Variants in AHCY observed in about 807,000 individuals in gnomAD.
AHCY encodes adenosylhomocysteinase, also known as S-adenosyl-L-homocysteine hydrolase.
AHCY carries 24 observed loss-of-function variants against 45.4 expected under a neutral mutation model. The ratio of observed to expected loss-of-function variants is 0.53; its 90% CI spans 0.38 to 0.74. The LOEUF (loss-of-function observed/expected upper bound fraction) is 0.74, where lower values mean the gene tolerates loss of function less well. AHCY is among the 30% of genes least tolerant of loss of function. AHCY has a pLI of 0.00. For missense variants in AHCY, 449 were observed against 594.1 expected (o/e 0.76, Z 2.54); for synonymous variants, 245 against 235.1 (o/e 1.04, Z -0.39).
the AHCY span, chr20:34,260,535 G>A: frequency 6.2e-6 from 10 of 1,608,560 alleles, no homozygotes; most frequent in South Asian, 1.1e-4. Context: ...TCTATTGTGG[G>A]TAAGTCACCT....
chr20:34,290,574 G>C lies in AHCY; in HGVS notation c.831C>G (p.Gly277=), dbSNP rs764906515. The change falls in exon 7 of 10, where the codon GGC becomes GGG. Residue 277 remains glycine, a synonymous_variant. Coordinates refer to ENST00000217426, the MANE Select transcript of AHCY (RefSeq NM_000687.4). The surrounding 1 kb of genome is among the most constrained non-coding windows in gnomAD (Gnocchi z 4.5). The part of the protein sequence containing the change: ...QEGNIFVTTT[G]CIDIILGRHF... The stretch of plus-strand genomic sequence containing the variant: ...ACCGGCCAAGGATGATGTCAATACA[G>C]CCTGTGGTGGTGACAAAGATGTTGC... 11 of 1,614,204 alleles carry C rather than the reference G, an allele frequency of 6.8e-6. No individual in the cohort carries two copies. Among genetic ancestry groups the C allele is most frequent in the Non-Finnish European group, 9.3e-6 (11 of 1,180,046 alleles).
chr20:34,239,756 A>C, the AHCY span, among the ~76,000 whole-genome samples: 1 of 152,320 alleles, frequency 6.6e-6, no homozygotes, highest in African/African-American at 2.4e-5. Flanking sequence ...GTCTCTACAA[A>C]TCACCAAAAG....
chr20:34,247,954 C>T, the AHCY span, among the ~76,000 whole-genome samples: 2 of 152,108 alleles, frequency 1.3e-5, no homozygotes, highest in African/African-American at 4.8e-5. Flanking sequence ...GCGTGTAATC[C>T]CAGCACTTTG....
At chr20:34,244,974 C>G in the AHCY span, among the ~76,000 whole-genome samples, 1 of 152,058 alleles carries the variant, frequency 6.6e-6, no homozygotes, top group African/African-American at 2.4e-5. Context: ...AGCTTTAGAT[C>G]AGTAAAATAA....
chr20:34,269,002 G>C, the AHCY span: 2 of 1,606,698 alleles, frequency 1.2e-6, no homozygotes, highest in African/African-American at 1.3e-5. Context: ...AGGAGGCTTC[G>C]ATGAAGAAAG....
At chr20:34,309,862 G>T (rs1470653036) in intron 1 of AHCY, among the ~76,000 whole-genome samples, 3 of 151,300 alleles carry the variant, frequency 2.0e-5, no homozygotes, top group Admixed American at 6.6e-5. Context: ...CAGAAGGAAG[G>T]AGGGAGGGAG....
At chr20:34,278,172 GA>G (rs1445930182), downstream of AHCY, among the ~76,000 whole-genome samples, 1 of 152,196 alleles carries the variant, frequency 6.6e-6, no homozygotes, top group Admixed American at 6.5e-5. Context: ...TAGCAGACCT[GA>G]AATCAGAGGT....
chr20:34,287,021 C>T (rs1222455393), intron 8 of AHCY, among the ~76,000 whole-genome samples: 1 of 152,002 alleles, frequency 6.6e-6, no homozygotes, highest in Non-Finnish European at 1.5e-5. Context: ...TGTCTGAACA[C>T]ACAAACTTGC....
At chr20:34,286,080 G>T in intron 8 of AHCY, 1 of 225,808 alleles carries the variant, frequency 4.4e-6, no homozygotes, top group Non-Finnish European at 8.9e-6. Flanking sequence ...ACTGCAGCCT[G>T]GGCGACGGAG....
chr20:34,249,385 C>A, the AHCY span, among the ~76,000 whole-genome samples: 2 of 151,390 alleles, frequency 1.3e-5, no homozygotes, highest in Non-Finnish European at 2.9e-5. Context: ...AAGGTGATGT[C>A]TATAAGCAGT....
chr20:34,302,893 G>A, intron 1 of AHCY: 1 of 985,450 alleles, frequency 1.0e-6, no homozygotes, highest in Non-Finnish European at 1.2e-6. Flanking sequence ...CCAGGCCTAG[G>A]AGGCCGGGCG....
the AHCY span, among the ~76,000 whole-genome samples, chr20:34,235,806 A>AAAG: frequency 1.8e-5 from 1 of 57,090 alleles, no homozygotes; most frequent in African/African-American, 2.0e-4. Context: ...AGAAAGAAAG[A>AAAG]AAGAAAGAAA....
At chr20:34,243,721 A>G in the AHCY span, among the ~76,000 whole-genome samples, 1 of 151,150 alleles carries the variant, frequency 6.6e-6, no homozygotes, top group Non-Finnish European at 1.5e-5. Context: ...TAAATTTTAC[A>G]TCTTTCTAAT....
At chr20:34,259,742 CTCCA>C in the AHCY span, among the ~76,000 whole-genome samples, 11 of 151,206 alleles carry the variant, frequency 7.3e-5, no homozygotes, top group East Asian at 1.2e-3. Context: ...AAGAGAGAGA[CTCCA>C]TCTAAAAAAA....
At chr20:34,303,959 A>G (rs1363195883), upstream of AHCY, among the ~76,000 whole-genome samples, 1 of 152,218 alleles carries the variant, frequency 6.6e-6, no homozygotes, top group Non-Finnish European at 1.5e-5. Flanking sequence ...TCATCCCACC[A>G]CAGCACTTGA....
At chr20:34,252,274 G>A in the AHCY span, among the ~76,000 whole-genome samples, 21 of 152,326 alleles carry the variant, frequency 1.4e-4, 1 homozygote, top group East Asian at 4.0e-3. Flanking sequence ...CAGTCTCTGA[G>A]TTCCCTCAGT....
At chr20:34,274,934 A>T in the AHCY span, among the ~76,000 whole-genome samples, 22 of 152,238 alleles carry the variant, frequency 1.4e-4, no homozygotes, top group South Asian at 4.1e-3. Flanking sequence ...CCTGGATGAC[A>T]AAATGAGACT....
chr20:34,297,638 T>C lies in AHCY; in HGVS notation c.29-2053A>G, dbSNP rs551035813. On this transcript the variant is annotated intron_variant, in intron 1 of 9. Transcript: ENST00000217426. ...AAGACCATAAAAGACACATAGCACA[T>C]TGCAGCAATCCTATGACATTTTCCT... is the stretch of plus-strand genomic sequence containing the variant. 7.5e-4 allele frequency among the ~76,000 whole-genome samples: 114 copies of C among 151,920 alleles called. 1 individual carries two copies. Among genetic ancestry groups the C allele is most frequent in the Non-Finnish European group, 1.5e-3 (105 of 67,964 alleles).
chr20:34,292,940 C>T (rs1293537931), intron 3 of AHCY, among the ~76,000 whole-genome samples: 1 of 152,130 alleles, frequency 6.6e-6, no homozygotes, highest in African/African-American at 2.4e-5. Flanking sequence ...ACGCCTCCCC[C>T]TCAGCAGGAT....
Sources: gnomAD v4.1 joint callset for allele counts (sites outside exome capture counted in the v4.1 genomes callset) on GRCh38, gnomAD v4.1.1 for gene constraint, Gnocchi (gnomAD v3.1) non-coding constraint, MANE v1.5 for transcripts, NCBI Gene and HGNC (gene_info 2026-07-23, HGNC 2026-07-21) for gene names.